SLC30A8: variants seen among roughly 807,000 people sequenced by gnomAD.
SLC30A8 encodes the protein proton-coupled zinc antiporter SLC30A8.
SLC30A8 carries 27 observed loss-of-function variants against 36.9 expected under a neutral mutation model. That is an observed-to-expected ratio of 0.73 (90% confidence interval 0.54 to 1.01). The LOEUF is 1.01. Among genes scored for constraint, SLC30A8 ranks in the 50% least tolerant of loss-of-function variants. SLC30A8 has a pLI of 0.00. For missense variants in SLC30A8, 439 were observed against 452.0 expected, an observed-to-expected ratio of 0.97 and a Z score of 0.26; for synonymous variants, 164 against 172.4, an observed-to-expected ratio of 0.95 and a Z score of 0.38.
At chr8:117,055,333 T>C (rs1817837933) in intron 2 of SLC30A8, among the ~76,000 whole-genome samples, 1 of 152,200 alleles carries the variant, frequency 6.6e-6, no homozygotes. Flanking sequence ...TCCTTGGTTA[T>C]ATGCTGGTGG....
intron 1 of SLC30A8, among the ~76,000 whole-genome samples, chr8:116,966,773 A>G (rs1563726219): frequency 1.3e-5 from 2 of 152,248 alleles, no homozygotes; most frequent in Admixed American, 6.5e-5. Context: ...TACCAGGGAA[A>G]TAAGAGAGGA....
intron 1 of SLC30A8, among the ~76,000 whole-genome samples, chr8:117,027,813 T>C (rs1313128934): frequency 1.3e-5 from 2 of 152,176 alleles, no homozygotes; most frequent in African/African-American, 4.8e-5. Context: ...TTGGAGAAGG[T>C]GTAAGTTTTG....
chr8:117,157,690 G>C lies in SLC30A8; in HGVS notation c.419-1G>C, dbSNP rs760270538. ...GTTTCTGTGTGTGTTTGAATTCCTA[G>C]AGATCCTTGGTGCCCTGCTCTCCAT... On this transcript the variant is annotated splice_acceptor_variant, in intron 3 of 7. Transcript: ENST00000456015. LOFTEE classifies it high-confidence loss of function. 11 of 1,613,962 alleles carry C rather than the reference G, an allele frequency of 6.8e-6. No homozygotes were observed. In the South Asian group the frequency reaches 1.2e-4, roughly 18 times the overall value.
At chr8:117,082,261 A>T (rs1382870830) in intron 2 of SLC30A8, among the ~76,000 whole-genome samples, 1 of 152,198 alleles carries the variant, frequency 6.6e-6, no homozygotes, top group African/African-American at 2.4e-5. Flanking sequence ...TAGGTCTTTA[A>T]AGCACAAGGC....
At chr8:116,976,330 G>A (rs763220394) in intron 1 of SLC30A8, among the ~76,000 whole-genome samples, 1 of 151,624 alleles carries the variant, frequency 6.6e-6, no homozygotes, top group Admixed American at 6.6e-5. Flanking sequence ...CTGATTGTGT[G>A]GAGTTGGAAA....
intron 1 of SLC30A8, among the ~76,000 whole-genome samples, chr8:116,997,794 A>C (rs1042490194): frequency 6.6e-6 from 1 of 152,184 alleles, no homozygotes; most frequent in African/African-American, 2.4e-5. Flanking sequence ...TCATTCATTC[A>C]ATCAGTGAGC....
Position 117,167,504 on chromosome 8 carries a change from T to TAC in SLC30A8, c.830-3530_830-3529insAC, listed in dbSNP as rs1491223080. Among the ~76,000 whole-genome samples, 6 of 142,250 alleles carry TAC rather than the reference T, an allele frequency of 4.2e-5. No individual in the cohort carries two copies. The South Asian group carries it at 6.8e-4, about 16-fold the overall frequency. 93.3% of individuals were successfully genotyped at this position (142,250 alleles called of 152,430 possible). A position where few individuals can be genotyped will look rare whatever the true frequency, so the allele number is the denominator to read the frequency against. On this transcript the variant is annotated intron_variant, in intron 6 of 7. Transcript: ENST00000456015. ...GCATATATATATATACATACATACA[T>TAC]GTATATGTATATGTGTATGTGATGT... is the stretch of plus-strand genomic sequence containing the variant.
chr8:117,049,615 TTTATCTACTGCCTGA>T (rs1319804224), intron 2 of SLC30A8, among the ~76,000 whole-genome samples: 1 of 152,228 alleles, frequency 6.6e-6, no homozygotes, highest in Non-Finnish European at 1.5e-5. Flanking sequence ...TGCCATCCTC[TTTATCTACTGCCTGA>T]TATGTGTTCC....
intron 2 of SLC30A8, among the ~76,000 whole-genome samples, chr8:117,048,664 T>C (rs558539273): frequency 3.7e-4 from 57 of 152,298 alleles, no homozygotes; most frequent in Non-Finnish European, 1.5e-5. Flanking sequence ...GCTCAATATA[T>C]TGTAGATATT....
At chr8:117,013,418 A>T (rs1816408982) in intron 1 of SLC30A8, among the ~76,000 whole-genome samples, 1 of 152,314 alleles carries the variant, frequency 6.6e-6, no homozygotes, top group East Asian at 1.9e-4. Flanking sequence ...AGCAGCAGAG[A>T]TGTTCAGTGG....
rs909654144 is a variant in SLC30A8, at chr8:117,053,475, A to G, written c.-226+14217A>G. Among the ~76,000 whole-genome samples, 20 of 152,282 alleles carry G rather than the reference A, an allele frequency of 1.3e-4. No homozygotes were observed. In the Middle Eastern group the frequency reaches 0.01, roughly 78 times the overall value. ...AACAGAGGCCGTGTTGCTCAGATCC[A>G]TATCCTGGGATGCATCTGTATGGAT... On this transcript the variant is annotated intron_variant, in intron 2 of 10. Coordinates refer to the SLC30A8 transcript ENST00000427715.
intron 6 of SLC30A8, among the ~76,000 whole-genome samples, chr8:117,170,226 C>G (rs899169666): frequency 2.0e-5 from 3 of 152,090 alleles, no homozygotes; most frequent in Non-Finnish European, 4.4e-5. Flanking sequence ...GGTTGAAAAC[C>G]ACTCTGAAAG....
upstream of SLC30A8, among the ~76,000 whole-genome samples, chr8:117,132,622 T>C (rs965057098): frequency 1.3e-5 from 2 of 152,166 alleles, no homozygotes; most frequent in Non-Finnish European, 2.9e-5. Context: ...TTTCCAAATA[T>C]ATATTCTATG....
chr8:116,982,689 C>T (rs974078748), intron 1 of SLC30A8, among the ~76,000 whole-genome samples: 2 of 152,104 alleles, frequency 1.3e-5, no homozygotes, highest in African/African-American at 4.8e-5. Flanking sequence ...GACATTGAAC[C>T]AGATTACATT....
intron 2 of SLC30A8, among the ~76,000 whole-genome samples, chr8:117,057,238 C>G (rs1012673654): frequency 1.3e-5 from 2 of 152,104 alleles, no homozygotes; most frequent in African/African-American, 4.8e-5. Context: ...ATACTTATTA[C>G]TTATTTTAAA....
intron 1 of SLC30A8, among the ~76,000 whole-genome samples, chr8:117,141,774 CT>C (rs1821665544): frequency 6.6e-6 from 1 of 152,120 alleles, no homozygotes; most frequent in Non-Finnish European, 1.5e-5. Flanking sequence ...CAACGTGGTA[CT>C]GTGTGTTCTA....
At chr8:117,009,936 A>G (rs568254854) in intron 1 of SLC30A8, among the ~76,000 whole-genome samples, 1 of 152,228 alleles carries the variant, frequency 6.6e-6, no homozygotes, top group Non-Finnish European at 1.5e-5. Flanking sequence ...GGAGTGAAGC[A>G]GGCAAAGCCA....
At chr8:117,002,804 C>T (rs1411830986) in intron 1 of SLC30A8, among the ~76,000 whole-genome samples, 2 of 152,116 alleles carry the variant, frequency 1.3e-5, no homozygotes, top group African/African-American at 4.8e-5. Context: ...GGGGTTTCAC[C>T]GTGTTGGCCA....
chr8:117,030,512 A>T (rs1446907806), intron 1 of SLC30A8, among the ~76,000 whole-genome samples: 1 of 152,216 alleles, frequency 6.6e-6, no homozygotes, highest in Non-Finnish European at 1.5e-5. Flanking sequence ...TCAATGTCTG[A>T]ACTTGATCTC....
Sources: allele counts gnomAD v4.1 joint callset (sites outside exome capture counted in the v4.1 genomes callset), GRCh38; gene constraint gnomAD v4.1.1; transcripts MANE v1.5; gene names NCBI Gene and HGNC (gene_info 2026-07-23, HGNC 2026-07-21).